The following TMPRSS13 variants were observed in gnomAD, a reference collection of about 807,000 sequenced individuals.
The protein encoded by TMPRSS13 is transmembrane protease serine 13.
A neutral mutation model predicts 68.4 loss-of-function variants in TMPRSS13; 50 were observed. The observed-to-expected ratio is 0.73, with a 90% CI of 0.58 to 0.93. The LOEUF is 0.93. Ranked by LOEUF, TMPRSS13 falls within the 40% of genes least tolerant of loss-of-function variation. The probability of loss-of-function intolerance (pLI) is 0.00; values close to 1 mark genes in which losing one functional copy is unlikely to be tolerated. For synonymous variants in TMPRSS13, 267 were observed against 285.8 expected, an observed-to-expected ratio of 0.93 and a Z score of 0.66; for missense variants, 615 against 729.2, an observed-to-expected ratio of 0.84 and a Z score of 1.80.
At chr11:117,919,881 C>T (rs924970171) in intron 1 of TMPRSS13, among the ~76,000 whole-genome samples, 1 of 152,234 alleles carries the variant, frequency 6.6e-6, no homozygotes, top group Non-Finnish European at 1.5e-5. Flanking sequence ...GCACAGTCTT[C>T]GTGAACCACG....
chr11:117,903,372 A>G (rs927282885), intron 12 of TMPRSS13: 4 of 1,530,716 alleles, frequency 2.6e-6, no homozygotes, highest in Admixed American at 2.0e-5. Flanking sequence ...ACCTTACACA[A>G]AAAAATACTT....
chr11:117,910,028 C>T (rs2057506347), intron 7 of TMPRSS13, 60 bp from the exon 8 acceptor site: 10 of 1,586,114 alleles, frequency 6.3e-6, no homozygotes, highest in South Asian at 5.6e-5. Context: ...TTTCCGAGCT[C>T]CTGATCAGGA....
At position 117,906,170 on chromosome 11, in the gene TMPRSS13, C is replaced by T. The variant is rs577796221; in HGVS notation, c.1283-434G>A. On this transcript the variant is annotated intron_variant, in intron 9 of 12. Coordinates refer to ENST00000524993, the MANE Select transcript of TMPRSS13 (RefSeq NM_001077263.3). Reference sequence around the variant, plus strand: ...TGACCATGGCATCTCAGCGGTATGTCCAGCCTGGTCTGGCGAGGGTACCCA... The same window carrying T: ...TGACCATGGCATCTCAGCGGTATGTTCAGCCTGGTCTGGCGAGGGTACCCA... Among the ~76,000 whole-genome samples the T allele has an allele frequency of 3.3e-5, 5 of 152,356 alleles. No individual in the cohort carries two copies. The East Asian group carries it at 9.6e-4, about 29-fold the overall frequency.
chr11:117,929,171 C>A, intron 1 of TMPRSS13, 116 bp downstream of exon 1: 1 of 795,760 alleles, frequency 1.3e-6, no homozygotes, highest in Non-Finnish European at 1.9e-6. Flanking sequence ...AGAAGAGGCA[C>A]AGCCAGTTTC....
chr11:117,902,208 C>A lies in TMPRSS13; in HGVS notation c.*31G>T. The stretch of plus-strand genomic sequence containing the variant: ...ACCATGGCCAGAGTCTTCACAGCAG[C>A]CGGTGCTGTGCAGAGCAGCAGGCCA... On this transcript the variant is annotated 3_prime_UTR_variant, in exon 13 of 13. Coordinates refer to ENST00000524993, the MANE Select transcript of TMPRSS13 (RefSeq NM_001077263.3). The A allele has an allele frequency of 1.2e-6, 2 of 1,612,500 alleles. No homozygotes were observed. Among genetic ancestry groups the A allele is most frequent in the Non-Finnish European group, 1.7e-6 (2 of 1,179,294 alleles).
chr11:117,906,568 A>G (rs2057466540), intron 9 of TMPRSS13, among the ~76,000 whole-genome samples: 1 of 152,246 alleles, frequency 6.6e-6, no homozygotes, highest in Non-Finnish European at 1.5e-5. Context: ...ACAAGGCAGG[A>G]AGCGTAGATG....
At position 117,926,811 on chromosome 11, in the gene TMPRSS13, G is replaced by A. The variant is rs186472935; in HGVS notation, c.21+2476C>T. On this transcript the variant is annotated intron_variant, in intron 1 of 12. Coordinates refer to ENST00000524993, the MANE Select transcript of TMPRSS13 (RefSeq NM_001077263.3). Reference sequence around the variant, plus strand: ...AAGAAGATGTTTGTCCAAATTTATAGGAGCCCACCCCAAATTCTAGGCAGT... The same window carrying A: ...AAGAAGATGTTTGTCCAAATTTATAAGAGCCCACCCCAAATTCTAGGCAGT... Among the ~76,000 whole-genome samples, 114 of 152,202 alleles carry A rather than the reference G, an allele frequency of 7.5e-4. 1 individual carries two copies. The highest frequency in any genetic ancestry group is 2.7e-3 in the African/African-American group (112 of 41,506).
chr11:117,901,714 T>C lies in TMPRSS13; in HGVS notation c.*525A>G, dbSNP rs1175404241. 1 of 161,818 alleles carries C rather than the reference T, an allele frequency of 6.2e-6. No homozygotes were observed. The highest frequency in any genetic ancestry group is 1.4e-5 in the Non-Finnish European group (1 of 73,106). The allele number at this position is 161,818 out of a possible 1,614,324, so 10.0% of individuals were successfully genotyped here. On this transcript the variant is annotated 3_prime_UTR_variant, in exon 13 of 13. Transcript: ENST00000524993. ...CCACGGCACCAGCAGGGGGTCTGGGTGAGGACTTGATGCTCATAAAGCCAA... is the reference window on the plus strand; with the variant it reads ...CCACGGCACCAGCAGGGGGTCTGGGCGAGGACTTGATGCTCATAAAGCCAA...
chr11:117,917,390 C>G (rs1047023564), intron 2 of TMPRSS13, 116 bp from the exon 3 acceptor site: 2 of 692,112 alleles, frequency 2.9e-6, no homozygotes, highest in African/African-American at 1.8e-5. Context: ...CACTCCACCC[C>G]AGAAGTTGGA....
chr11:117,914,478 T>C lies in TMPRSS13; in HGVS notation c.593A>G (p.Lys198Arg). The C allele has an allele frequency of 6.2e-7, 1 of 1,614,046 alleles. No individual in the cohort carries two copies. Among genetic ancestry groups the C allele is most frequent in the African/African-American group, 1.3e-5 (1 of 75,022 alleles). Residue 198 changes from lysine (K) to arginine (R), a missense_variant, in exon 4 of 13, where the codon AAG (lysine) becomes AGG (arginine). Lys to Arg is a conservative substitution (Grantham distance 26). Transcript: ENST00000524993. This position sits in a 1 kb window ranked among gnomAD's most constrained non-coding sequence, Gnocchi z 4.2. ...FWQGHTGIRY[K>R]EQRESCPKHA... The stretch of plus-strand genomic sequence containing the variant: ...CTTGGGACAGCTCTCCCTCTGCTCC[T>C]TGTACCTGATCCCTGTGTGGCCCTG...
chr11:117,904,043 G>A lies in TMPRSS13; in HGVS notation c.1440C>T (p.Cys480=). 3 of 1,614,042 alleles carry A rather than the reference G, an allele frequency of 1.9e-6. No homozygotes were observed. Among genetic ancestry groups the A allele is most frequent in the Non-Finnish European group, 2.5e-6 (3 of 1,179,968 alleles). The part of the protein sequence containing the change: ...VQVNLIDFKK[C]NDYLVYDSYL... ...AACTGTCATAGACCAAGTAGTCATT[G>A]CATTTCTTGAAGTCGATGAGATTGA... Residue 480 remains cysteine (C), a synonymous_variant, in exon 11 of 13, where the codon TGC becomes TGT. Coordinates refer to ENST00000524993, the MANE Select transcript of TMPRSS13 (RefSeq NM_001077263.3).
chr11:117,924,177 C>CAAAGAAAAGAAAAGAAAAGAAAAGA (rs11269449), intron 1 of TMPRSS13, among the ~76,000 whole-genome samples: 10,529 of 105,258 alleles, frequency 0.1, 1,691 homozygotes, highest in East Asian at 0.15. Flanking sequence ...GACCCCATCT[C>CAAAGAAAAGAAAAGAAAAGAAAAGA]AAAGAAAAGA....
Position 117,922,877 on chromosome 11 carries a change from A to T in TMPRSS13, c.22-4039T>A, listed in dbSNP as rs1019483674. Among the ~76,000 whole-genome samples the T allele has an allele frequency of 6.6e-6, 1 of 152,222 alleles. No homozygotes were observed. The highest frequency in any genetic ancestry group is 2.4e-5 in the African/African-American group (1 of 41,450). ...AGTAACACAATTGTAAGCCCTTACC[A>T]TGACATGGAACAGGCCCACACCCCA... On this transcript the variant is annotated intron_variant, in intron 1 of 12. Transcript: ENST00000524993. This position sits in a 1 kb window ranked among gnomAD's most constrained non-coding sequence, Gnocchi z 4.2.
chr11:117,923,279 CT>C (rs1388289827), intron 1 of TMPRSS13, among the ~76,000 whole-genome samples: 1 of 152,224 alleles, frequency 6.6e-6, no homozygotes, highest in Non-Finnish European at 1.5e-5. Context: ...TAGATCCCCC[CT>C]GAGGCGAATG....
chr11:117,904,861 TTATATA>T lies in TMPRSS13; in HGVS notation c.1382-766_1382-761del, dbSNP rs58001868. Among the ~76,000 whole-genome samples the T allele has an allele frequency of 4.6e-3, 459 of 100,616 alleles. 5 individuals carry two copies. Among genetic ancestry groups the T allele is most frequent in the South Asian group, 9.7e-3 (30 of 3,078 alleles). 66.0% of individuals were successfully genotyped at this position (100,616 alleles called of 152,430 possible). A position where few individuals can be genotyped will look rare whatever the true frequency, so the allele number is the denominator to read the frequency against. ...TACCACTTAGAGCTCCTAGATAAGA[TTATATA>T]TATATATATATATATATATATATAT... On this transcript the variant is annotated intron_variant, in intron 10 of 12. Transcript: ENST00000524993.
chr11:117,924,177 C>CAAAGAAAAGAAAAGAAAAGA (rs11269449), intron 1 of TMPRSS13, among the ~76,000 whole-genome samples: 3,368 of 105,338 alleles, frequency 0.032, 436 homozygotes, highest in Non-Finnish European at 0.043. Flanking sequence ...GACCCCATCT[C>CAAAGAAAAGAAAAGAAAAGA]AAAGAAAAGA....
At chr11:117,910,592 G>A (rs1314902489) in intron 7 of TMPRSS13, 115 bp downstream of exon 7, 1 of 1,044,048 alleles carries the variant, frequency 9.6e-7, no homozygotes, top group Non-Finnish European at 1.4e-6. Flanking sequence ...TGCTGGCTAA[G>A]ACACTGTTCC....
Position 117,901,688 on chromosome 11 carries a change from T to C in TMPRSS13, c.*551A>G, listed in dbSNP as rs2057411780. The C allele has an allele frequency of 6.3e-6, 1 of 158,368 alleles. No homozygotes were observed. 9.8% of individuals were successfully genotyped at this position (158,368 alleles called of 1,614,324 possible). A position where few individuals can be genotyped will look rare whatever the true frequency, so the allele number is the denominator to read the frequency against. On this transcript the variant is annotated 3_prime_UTR_variant, in exon 13 of 13. Transcript: ENST00000524993. ...CCACAGCACAGTCCGACTGGTGACA[T>C]CCACGGCACCAGCAGGGGGTCTGGG...
rs567340350 is a variant in TMPRSS13 at position 117,915,034 on chromosome 11, C to T, written c.557-520G>A. ...AAAGCTCCTAGGTTTTTTGCTTCTC[C>T]CTCTCCCCTGCGCAAGGGACACCTC... On this transcript the variant is annotated intron_variant, in intron 3 of 12. Transcript: ENST00000524993. This position sits in a 1 kb window ranked among gnomAD's most constrained non-coding sequence, Gnocchi z 4.9. 2.0e-5 allele frequency among the ~76,000 whole-genome samples: 3 copies of T among 152,252 alleles called. No individual in the cohort carries two copies. The South Asian group carries it at 6.2e-4, about 32-fold the overall frequency.
Sources: allele counts gnomAD v4.1 joint callset (sites outside exome capture counted in the v4.1 genomes callset), GRCh38; gene constraint gnomAD v4.1.1; non-coding constraint Gnocchi (gnomAD v3.1); transcripts MANE v1.5; gene names NCBI Gene and HGNC (gene_info 2026-07-23, HGNC 2026-07-21).